Variants in SBNO2 observed in about 807,000 individuals in gnomAD.
SBNO2 encodes the protein strawberry notch homolog 2, also known as protein strawberry notch homolog 2.
SBNO2 carries 89 observed loss-of-function variants against 146.3 expected under a neutral mutation model. The ratio of observed to expected loss-of-function variants is 0.61; its 90% CI spans 0.51 to 0.73. The LOEUF is 0.73. Among genes scored for constraint, SBNO2 ranks in the 30% least tolerant of loss-of-function variants. The pLI is 0.00. For synonymous variants in SBNO2, 1,147 were observed against 892.6 expected (o/e 1.29, Z -5.08); for missense variants, 2,092 against 2,003.7 (o/e 1.04, Z -0.84).
At chr19:1,149,500 G>A in intron 2 of SBNO2, 58 bp from the exon 3 acceptor site, 4 of 1,484,924 alleles carry the variant, frequency 2.7e-6, no homozygotes, top group Non-Finnish European at 3.7e-6. Context: ...GTGCAGCCCG[G>A]CTAAGCCCTC....
At chr19:1,111,456 G>T (rs1203823745) in intron 24 of SBNO2, 50 bp downstream of exon 24, 2 of 1,305,234 alleles carry the variant, frequency 1.5e-6, no homozygotes, top group Non-Finnish European at 2.2e-6. Context: ...GGAGCCCAGT[G>T]CTCTGCAACC....
At chr19:1,162,571 C>T (rs1371257159) in intron 1 of SBNO2, among the ~76,000 whole-genome samples, 4 of 152,146 alleles carry the variant, frequency 2.6e-5, no homozygotes, top group South Asian at 2.1e-4. Context: ...AGGAGGCTGA[C>T]GCCCCGGAGG....
chr19:1,152,597 G>C, intron 2 of SBNO2, among the ~76,000 whole-genome samples: 1 of 151,072 alleles, frequency 6.6e-6, no homozygotes. Context: ...ACTAGGGAGG[G>C]GGACAGGAGG....
In SBNO2 at chr19:1,110,906, C is replaced by G. The variant is rs777867138; in HGVS notation, c.2885-18G>C. The G allele has an allele frequency of 6.2e-7, 1 of 1,612,574 alleles. No homozygotes were observed. The highest frequency in any genetic ancestry group is 8.5e-7 in the Non-Finnish European group (1 of 1,178,874). ...GGAACAGTCTGGTAGGGGAGGGAGC[C>G]AAGCCTCAGGCTGCGCTGGGAATCC... On this transcript the variant is annotated intron_variant, in intron 25 of 31. Coordinates refer to ENST00000361757, the MANE Select transcript of SBNO2 (RefSeq NM_014963.3). The surrounding 1 kb of genome is among the most constrained non-coding windows in gnomAD (Gnocchi z 4.9).
At chr19:1,145,304 C>CA (rs34903065) in intron 4 of SBNO2, among the ~76,000 whole-genome samples, 9,961 of 102,722 alleles carry the variant, frequency 0.097, 488 homozygotes, top group East Asian at 0.19. Flanking sequence ...CTGTCTCTAC[C>CA]AAAAAAAAAA....
intron 4 of SBNO2, among the ~76,000 whole-genome samples, chr19:1,130,151 G>A (rs1225441818): frequency 6.6e-6 from 1 of 152,138 alleles, no homozygotes; most frequent in Non-Finnish European, 1.5e-5. Flanking sequence ...GGCAGGAAAG[G>A]ACATGGGGGA....
chr19:1,132,239 CG>C (rs2080038640), intron 4 of SBNO2: 1 of 1,300,656 alleles, frequency 7.7e-7, no homozygotes. Flanking sequence ...CCGGGGCGGA[CG>C]GGGGCGGCTC....
intron 4 of SBNO2, among the ~76,000 whole-genome samples, chr19:1,132,483 G>A (rs1001332583): frequency 1.6e-4 from 25 of 152,346 alleles, no homozygotes; most frequent in African/African-American, 5.8e-4. Context: ...CGGACGTGCA[G>A]AATGCCCAGG....
intron 1 of SBNO2, among the ~76,000 whole-genome samples, chr19:1,161,369 T>C (rs1453083991): frequency 6.4e-5 from 3 of 46,770 alleles, no homozygotes; most frequent in Non-Finnish European, 3.9e-5. Flanking sequence ...GCCTGAGTAC[T>C]GAGTACTGGG....
At chr19:1,138,813 GGACA>G (rs1167207716) in intron 4 of SBNO2, among the ~76,000 whole-genome samples, 1 of 148,780 alleles carries the variant, frequency 6.7e-6, no homozygotes, top group Non-Finnish European at 1.5e-5. Context: ...CCTCCATCAC[GGACA>G]GACACAGTTG....
Position 1,109,621 on chromosome 19 carries a change from G to A in SBNO2, c.3124-23C>T. 6.4e-7 allele frequency: 1 copy of A among 1,567,090 alleles called. No individual in the cohort carries two copies. On this transcript the variant is annotated intron_variant, in intron 27 of 31. Transcript: ENST00000361757. This position sits in a 1 kb window ranked among gnomAD's most constrained non-coding sequence, Gnocchi z 4.2. ...GATCTGCCACGGCACGGGGTGGGGGGGTGTGAGTGTGGTGGGGGCGGGGTG... is the reference window on the plus strand; with the variant it reads ...GATCTGCCACGGCACGGGGTGGGGGAGTGTGAGTGTGGTGGGGGCGGGGTG...
chr19:1,111,902 GCCC>G, intron 23 of SBNO2, 91 bp downstream of exon 23: 2 of 1,184,690 alleles, frequency 1.7e-6, no homozygotes, highest in Non-Finnish European at 2.4e-6. Context: ...ACGTTCTCCA[GCCC>G]CCATCTACCC....
chr19:1,141,580 T>C (rs1245003037), intron 4 of SBNO2, among the ~76,000 whole-genome samples: 1 of 152,052 alleles, frequency 6.6e-6, no homozygotes, highest in Non-Finnish European at 1.5e-5. Context: ...TGGATCCACG[T>C]GTCCTTCATG....
rs552128582 is a variant in SBNO2 at position 1,139,088 on chromosome 19, T to TG, written c.279+8220dup. 1.2e-4 allele frequency among the ~76,000 whole-genome samples: 18 copies of TG among 152,256 alleles called. No individual in the cohort carries two copies. In the East Asian group the frequency reaches 3.5e-3, roughly 29 times the overall value. ...ACGCGTCCATCATGAACAAAAACAG[T>TG]GGGTCCTGCATGCGTCCATCATGGA... On this transcript the variant is annotated intron_variant, in intron 4 of 31. Coordinates refer to ENST00000361757, the MANE Select transcript of SBNO2 (RefSeq NM_014963.3).
Position 1,109,711 on chromosome 19 carries a change from G to A in SBNO2, c.3095C>T (p.Pro1032Leu). Residue 1032 changes from proline (P) to leucine (L), a missense_variant, in exon 27 of 32, where the codon CCG becomes CTG. Pro to Leu is a moderately conservative substitution (Grantham distance 98). Coordinates refer to ENST00000361757, the MANE Select transcript of SBNO2 (RefSeq NM_014963.3). The surrounding 1 kb of genome is among the most constrained non-coding windows in gnomAD (Gnocchi z 4.2). ...GTAGAAGACCACCTGCCCGTCCTGC[G>A]GGTGCCCGGGAGCCAGGAACACCTG... ...SQQVFLAPGH[P>L]QDGQVVFYKI... 1 of 1,607,630 alleles carries A rather than the reference G, an allele frequency of 6.2e-7. No individual in the cohort carries two copies. The highest frequency in any genetic ancestry group is 2.2e-5 in the East Asian group (1 of 44,720).
At chr19:1,142,436 G>T (rs1262420940) in intron 4 of SBNO2, among the ~76,000 whole-genome samples, 1 of 152,240 alleles carries the variant, frequency 6.6e-6, no homozygotes, top group Non-Finnish European at 1.5e-5. Flanking sequence ...GGGCTCAGGT[G>T]TATCAATAGT....
intron 5 of SBNO2, among the ~76,000 whole-genome samples, chr19:1,125,423 C>T (rs1207127950): frequency 6.7e-6 from 1 of 150,006 alleles, no homozygotes; most frequent in African/African-American, 2.5e-5. Flanking sequence ...GTAATCCCAG[C>T]ACTTCGGGAG....
In SBNO2 at chr19:1,108,302, CCCGCCCCCGCGCCCT is replaced by C; in HGVS notation, c.4004_4018del (p.Glu1335_Ala1339del). 1.3e-6 allele frequency: 2 copies of C among 1,481,808 alleles called. No homozygotes were observed. Among genetic ancestry groups the C allele is most frequent in the Non-Finnish European group, 9.0e-7 (1 of 1,112,132 alleles). The allele number at this position is 1,481,808 out of a possible 1,614,324, so 91.8% of individuals were successfully genotyped here. A position where few individuals can be genotyped will look rare whatever the true frequency, so the allele number is the denominator to read the frequency against. On this transcript the variant is annotated inframe_deletion, in exon 32 of 32. Coordinates refer to ENST00000361757, the MANE Select transcript of SBNO2 (RefSeq NM_014963.3). ...CTCGGGACCACCGCCCGCCGCGCCCCCCGCCCCCGCGCCCTCCCCCAGCGCGCCCTCGGAGGGCGG... is the reference window on the plus strand; with the variant it reads ...CTCGGGACCACCGCCCGCCGCGCCCCCCCCCAGCGCGCCCTCGGAGGGCGG...
intron 4 of SBNO2, among the ~76,000 whole-genome samples, chr19:1,146,834 C>T (rs913829814): frequency 2.7e-5 from 4 of 150,902 alleles, no homozygotes; most frequent in South Asian, 2.1e-4. Context: ...CGCCTGATGC[C>T]GCAGTGGGAG....
Sources: allele counts gnomAD v4.1 joint callset (sites outside exome capture counted in the v4.1 genomes callset), GRCh38; gene constraint gnomAD v4.1.1; non-coding constraint Gnocchi (gnomAD v3.1); transcripts MANE v1.5; gene names NCBI Gene and HGNC (gene_info 2026-07-23, HGNC 2026-07-21).